Variants in AGMO observed in about 807,000 individuals in gnomAD.
AGMO encodes the protein alkylglycerol monooxygenase.
Under a neutral mutation model 60.2 loss-of-function variants are expected in AGMO, and 75 were observed. That is an observed-to-expected ratio of 1.25 (90% CI 1.03 to 1.51). The LOEUF (loss-of-function observed/expected upper bound fraction) is 1.51, where lower values mean the gene tolerates loss of function less well. Among genes scored for constraint, AGMO ranks in the 40% most tolerant of loss-of-function variants. AGMO has a pLI of 0.00. For synonymous variants in AGMO, 261 were observed against 177.1 expected, an observed-to-expected ratio of 1.47 and a Z score of -3.76; for missense variants, 763 against 525.5, an observed-to-expected ratio of 1.45 and a Z score of -4.42.
the AGMO span, among the ~76,000 whole-genome samples, chr7:15,131,056 T>C: frequency 6.6e-6 from 1 of 150,854 alleles, no homozygotes; most frequent in Non-Finnish European, 1.5e-5. Context: ...TGTATTTCTG[T>C]GTGTGTGTGT....
At chr7:15,161,078 T>C in the AGMO span, among the ~76,000 whole-genome samples, 1 of 152,140 alleles carries the variant, frequency 6.6e-6, no homozygotes, top group African/African-American at 2.4e-5. Context: ...CATAATGGCA[T>C]TAATCCATTA....
chr7:15,146,787 A>T, the AGMO span, among the ~76,000 whole-genome samples: 21,344 of 152,142 alleles, frequency 0.14, 1,577 homozygotes, highest in Non-Finnish European at 0.17. Context: ...GCTCTAGTGC[A>T]TTCATGATCA....
In AGMO at chr7:15,323,908, A is replaced by G. The variant is rs996387724; in HGVS notation, c.1263+41606T>C. On this transcript the variant is annotated intron_variant, in intron 12 of 12. Coordinates refer to ENST00000342526, the MANE Select transcript of AGMO (RefSeq NM_001004320.2). ...ACTGCAAGCAAGGGTTTGAAACGTC[A>G]ATGTTCTTGCTACTACCTCAGAGTA... Among the ~76,000 whole-genome samples, 5 of 152,322 alleles carry G rather than the reference A, an allele frequency of 3.3e-5. No individual in the cohort carries two copies. In the East Asian group the frequency reaches 9.6e-4, roughly 29 times the overall value.
At chr7:15,228,524 C>A (rs73277642) in intron 12 of AGMO, among the ~76,000 whole-genome samples, 2 of 151,880 alleles carry the variant, frequency 1.3e-5, no homozygotes, top group African/African-American at 4.8e-5. Flanking sequence ...CCAGAGTACA[C>A]AAGGAGAAAA....
chr7:15,430,603 TAA>T (rs397890114), intron 4 of AGMO, among the ~76,000 whole-genome samples: 1,560 of 128,114 alleles, frequency 0.012, 10 homozygotes, highest in Non-Finnish European at 0.014. Flanking sequence ...TTGTTTTTTT[TAA>T]AAAAAAAAAA....
intron 3 of AGMO, among the ~76,000 whole-genome samples, chr7:15,502,374 A>G (rs1391828957): frequency 6.6e-6 from 1 of 151,948 alleles, no homozygotes; most frequent in Non-Finnish European, 1.5e-5. Context: ...GAGGCTGAGA[A>G]GCAATTTATA....
chr7:15,344,692 T>C (rs1781971774), intron 12 of AGMO, among the ~76,000 whole-genome samples: 1 of 152,156 alleles, frequency 6.6e-6, no homozygotes. Context: ...AGCAAGATCC[T>C]GTCTCAAAGC....
At chr7:15,362,179 C>CA (rs1316485702) in intron 12 of AGMO, among the ~76,000 whole-genome samples, 2 of 151,668 alleles carry the variant, frequency 1.3e-5, no homozygotes, top group Non-Finnish European at 2.9e-5. Context: ...AGGTAAATGG[C>CA]AAAGATTTAC....
intron 3 of AGMO, among the ~76,000 whole-genome samples, chr7:15,527,707 A>T (rs1784162653): frequency 6.6e-6 from 1 of 152,206 alleles, no homozygotes; most frequent in African/African-American, 2.4e-5. Context: ...GAAGTTTGAA[A>T]GCTTCAAAGA....
chr7:15,424,519 A>G (rs904237027), intron 4 of AGMO, among the ~76,000 whole-genome samples: 11 of 152,202 alleles, frequency 7.2e-5, no homozygotes, highest in African/African-American at 2.4e-4. Context: ...AAAAACACTG[A>G]AAATCAGAGA....
At chr7:15,353,110 G>C (rs528019342) in intron 12 of AGMO, among the ~76,000 whole-genome samples, 1 of 152,088 alleles carries the variant, frequency 6.6e-6, no homozygotes, top group Non-Finnish European at 1.5e-5. Context: ...AGGGGGCAGG[G>C]TTCTTTTTTA....
intron 12 of AGMO, among the ~76,000 whole-genome samples, chr7:15,259,503 A>T (rs924593112): frequency 6.6e-6 from 1 of 152,174 alleles, no homozygotes; most frequent in African/African-American, 2.4e-5. Flanking sequence ...AATTGAGGAA[A>T]ACTACCCCGG....
the AGMO span, among the ~76,000 whole-genome samples, chr7:15,159,981 G>C: frequency 6.6e-6 from 1 of 152,134 alleles, no homozygotes; most frequent in Non-Finnish European, 1.5e-5. Flanking sequence ...GAAGCTAAAA[G>C]TGCTGCTTCA....
intron 12 of AGMO, among the ~76,000 whole-genome samples, chr7:15,240,134 T>A (rs759087537): frequency 6.6e-6 from 1 of 152,140 alleles, no homozygotes; most frequent in Non-Finnish European, 1.5e-5. Context: ...TATAATGAAA[T>A]AAACATCTAT....
chr7:15,278,311 C>T (rs1040664796), intron 12 of AGMO, among the ~76,000 whole-genome samples: 1 of 152,100 alleles, frequency 6.6e-6, no homozygotes, highest in African/African-American at 2.4e-5. Flanking sequence ...CAGTTTAGGT[C>T]AGCCTGACCT....
chr7:15,392,082 T>A (rs545511131), intron 6 of AGMO, among the ~76,000 whole-genome samples: 2 of 151,564 alleles, frequency 1.3e-5, no homozygotes, highest in African/African-American at 4.9e-5. Context: ...ATTTAATTTT[T>A]TTTTTGAGAT....
intron 5 of AGMO, chr7:15,396,550 A>C (rs757808001): frequency 2.6e-5 from 4 of 152,196 alleles, no homozygotes; most frequent in African/African-American, 7.2e-5. Context: ...AAGCTACCAC[A>C]ACGAGGAAAA....
At chr7:15,385,410 A>C (rs975424499) in intron 10 of AGMO, 36 bp downstream of exon 10, 1 of 1,289,372 alleles carries the variant, frequency 7.8e-7, no homozygotes, top group South Asian at 1.2e-5. Context: ...AGTAACAGAT[A>C]ATGTTCTCAC....
chr7:15,352,114 G>C (rs13438636), intron 12 of AGMO, among the ~76,000 whole-genome samples: 5,217 of 152,218 alleles, frequency 0.034, 297 homozygotes, highest in African/African-American at 0.12. Context: ...GCTATAGCAA[G>C]AAGACCTCTA....
Sources: allele counts gnomAD v4.1 joint callset (sites outside exome capture counted in the v4.1 genomes callset), GRCh38; gene constraint gnomAD v4.1.1; transcripts MANE v1.5; gene names NCBI Gene and HGNC (gene_info 2026-07-23, HGNC 2026-07-21).